The following CFAP299 variants were observed in gnomAD, a reference collection of about 807,000 sequenced individuals.
CFAP299 encodes cilia- and flagella-associated protein 299.
In CFAP299, 21 loss-of-function variants were observed where a neutral mutation model predicts 27.0. That is an observed-to-expected ratio of 0.78 (90% CI 0.55 to 1.12). The LOEUF is 1.12. CFAP299 is among the 50% of genes most tolerant of loss of function. The pLI, the probability that CFAP299 is intolerant of heterozygous loss-of-function variation, is 0.00. For missense variants in CFAP299, 310 were observed against 276.6 expected, an observed-to-expected ratio of 1.12 and a Z score of -0.86; for synonymous variants, 104 against 98.1, an observed-to-expected ratio of 1.06 and a Z score of -0.36.
At position 80,849,636 on chromosome 4, in the gene CFAP299, C is replaced by T. The variant is rs549154061; in HGVS notation, c.334-20357C>T. Among the ~76,000 whole-genome samples the T allele has an allele frequency of 2.2e-4, 34 of 152,110 alleles. No individual in the cohort carries two copies. In the South Asian group the frequency reaches 7.1e-3, roughly 32 times the overall value. On this transcript the variant is annotated intron_variant, in intron 3 of 5. Transcript: ENST00000358105. ...TACATAGAAAATCAAGAGAGTAAGC[C>T]TGATCTCACCTATATGTGGAATCTA...
intron 2 of CFAP299, among the ~76,000 whole-genome samples, chr4:80,570,717 C>T (rs1235417532): frequency 1.3e-5 from 2 of 152,020 alleles, no homozygotes; most frequent in Non-Finnish European, 2.9e-5. Flanking sequence ...AACAAATGTG[C>T]TATTACATAG....
At chr4:80,410,953 C>G (rs952441855) in intron 2 of CFAP299, among the ~76,000 whole-genome samples, 14 of 152,074 alleles carry the variant, frequency 9.2e-5, no homozygotes, top group Admixed American at 8.5e-4. Flanking sequence ...AAGTAATCAT[C>G]TGCATTAGGA....
At chr4:80,766,836 T>C (rs568764163) in intron 3 of CFAP299, among the ~76,000 whole-genome samples, 2 of 152,348 alleles carry the variant, frequency 1.3e-5, no homozygotes, top group South Asian at 4.1e-4. Flanking sequence ...CATTGTCTCA[T>C]TTAACTCCTA....
intron 3 of CFAP299, among the ~76,000 whole-genome samples, chr4:80,842,281 T>A (rs995801394): frequency 6.6e-6 from 1 of 152,144 alleles, no homozygotes; most frequent in Non-Finnish European, 1.5e-5. Context: ...GCACAGACAT[T>A]GGGTCATGGT....
intron 4 of CFAP299, among the ~76,000 whole-genome samples, chr4:80,879,101 C>T (rs577292212): frequency 6.6e-6 from 1 of 152,212 alleles, no homozygotes; most frequent in East Asian, 1.9e-4. Context: ...GATAACATTT[C>T]CATGGGCACC....
At chr4:80,728,618 A>G (rs1422777997) in intron 3 of CFAP299, among the ~76,000 whole-genome samples, 1 of 152,080 alleles carries the variant, frequency 6.6e-6, no homozygotes, top group African/African-American at 2.4e-5. Flanking sequence ...TTCCTTCCAC[A>G]CGCTTTATGT....
intron 2 of CFAP299, chr4:80,420,272 C>A: frequency 2.2e-6 from 1 of 454,904 alleles, no homozygotes. Context: ...TCAAAGAAAA[C>A]CTGTTTCCAT....
intron 2 of CFAP299, among the ~76,000 whole-genome samples, chr4:80,464,421 C>G (rs1051813923): frequency 5.3e-5 from 8 of 152,162 alleles, no homozygotes; most frequent in African/African-American, 1.7e-4. Context: ...CATTGAAATG[C>G]TAACTGGTAT....
At chr4:80,811,278 A>G (rs564286809) in intron 3 of CFAP299, among the ~76,000 whole-genome samples, 2 of 152,292 alleles carry the variant, frequency 1.3e-5, no homozygotes, top group South Asian at 2.1e-4. Context: ...TAAAAGAAAT[A>G]TACCTAATCT....
At chr4:80,771,959 G>A (rs367635583) in intron 3 of CFAP299, among the ~76,000 whole-genome samples, 18 of 152,250 alleles carry the variant, frequency 1.2e-4, no homozygotes, top group African/African-American at 4.3e-4. Context: ...TATTGTTATA[G>A]CGAAAAGGAA....
chr4:80,528,021 T>C (rs1733275392), intron 2 of CFAP299, among the ~76,000 whole-genome samples: 1 of 152,144 alleles, frequency 6.6e-6, no homozygotes. Flanking sequence ...CCATCCACAA[T>C]TGGGATGAAT....
At position 80,390,812 on chromosome 4, in the gene CFAP299, C is replaced by CATAT. The variant is rs1560543742; in HGVS notation, c.242+27929_242+27930insTATA. 6.2e-3 allele frequency among the ~76,000 whole-genome samples: 610 copies of CATAT among 98,654 alleles called. 5 individuals are homozygous for CATAT. Among genetic ancestry groups the CATAT allele is most frequent in the African/African-American group, 0.022 (431 of 19,394 alleles). The allele number at this position is 98,654 out of a possible 152,430, so 64.7% of individuals were successfully genotyped here. On this transcript the variant is annotated intron_variant, in intron 2 of 5. Transcript: ENST00000358105. Reference sequence around the variant, plus strand: ...ATATATGTATATGTATATATGTATACACACATATATGTATATGTATATATG... The same window carrying CATAT: ...ATATATGTATATGTATATATGTATACATATACACATATATGTATATGTATATATG...
At chr4:80,591,560 T>C (rs1296997112) in intron 3 of CFAP299, among the ~76,000 whole-genome samples, 1 of 152,114 alleles carries the variant, frequency 6.6e-6, no homozygotes, top group Non-Finnish European at 1.5e-5. Flanking sequence ...AGACCATGGA[T>C]GTCCTCACTA....
At chr4:80,430,812 A>G (rs1279357704) in intron 2 of CFAP299, among the ~76,000 whole-genome samples, 1 of 152,068 alleles carries the variant, frequency 6.6e-6, no homozygotes, top group African/African-American at 2.4e-5. Flanking sequence ...GCACATCTCT[A>G]TCTAATCTAT....
At chr4:80,907,158 T>C (rs532674455) in intron 4 of CFAP299, among the ~76,000 whole-genome samples, 39 of 152,336 alleles carry the variant, frequency 2.6e-4, no homozygotes, top group African/African-American at 8.2e-4. Flanking sequence ...CTTTAGCTCA[T>C]TGCTAAAGCA....
At chr4:80,810,647 GT>G (rs1294591581) in intron 3 of CFAP299, among the ~76,000 whole-genome samples, 13 of 152,010 alleles carry the variant, frequency 8.6e-5, no homozygotes, top group Non-Finnish European at 1.9e-4. Flanking sequence ...GCAGGGAACA[GT>G]TTTTTACTTA....
intron 3 of CFAP299, among the ~76,000 whole-genome samples, chr4:80,772,676 A>G (rs74602966): frequency 0.048 from 7,355 of 151,952 alleles, 326 homozygotes; most frequent in East Asian, 0.22. Context: ...TAAGCCCCAC[A>G]TGCATTAGGT....
chr4:80,377,448 G>A lies in CFAP299; in HGVS notation c.242+14564G>A, dbSNP rs1225576180. On this transcript the variant is annotated intron_variant, in intron 2 of 5. Transcript: ENST00000358105. ...CTGTATATGTACCTGTCTATTTTTTGTGGATTTCTATTCTATTCCACGGAT... is the reference window on the plus strand; with the variant it reads ...CTGTATATGTACCTGTCTATTTTTTATGGATTTCTATTCTATTCCACGGAT... 2.0e-5 allele frequency among the ~76,000 whole-genome samples: 3 copies of A among 151,590 alleles called. 1 individual carries two copies. In the South Asian group the frequency reaches 6.2e-4, roughly 31 times the overall value.
At chr4:80,762,514 A>C (rs181179669) in intron 3 of CFAP299, among the ~76,000 whole-genome samples, 1 of 152,230 alleles carries the variant, frequency 6.6e-6, no homozygotes, top group African/African-American at 2.4e-5. Flanking sequence ...GATGGAAATA[A>C]GGTTAGTAAT....
Sources: allele counts gnomAD v4.1 joint callset (sites outside exome capture counted in the v4.1 genomes callset), GRCh38; gene constraint gnomAD v4.1.1; transcripts MANE v1.5; gene names NCBI Gene and HGNC (gene_info 2026-07-23, HGNC 2026-07-21).